The following KSR2 variants were observed in gnomAD, a reference collection of about 807,000 sequenced individuals.
KSR2 encodes the protein kinase suppressor of ras 2.
In KSR2, 25 loss-of-function variants were observed where a neutral mutation model predicts 107.8. The observed-to-expected ratio is 0.23, with a 90% CI of 0.17 to 0.32. KSR2 has a LOEUF of 0.32. KSR2 is among the 10% of genes least tolerant of loss of function. KSR2 has a pLI of 1.00. For synonymous variants in KSR2, 480 were observed against 507.0 expected, an observed-to-expected ratio of 0.95 and a Z score of 0.71; for missense variants, 887 against 1,268.9, an observed-to-expected ratio of 0.70 and a Z score of 4.57.
intron 3 of KSR2, among the ~76,000 whole-genome samples, chr12:117,854,556 C>T (rs115623943): frequency 0.011 from 1,692 of 152,288 alleles, 39 homozygotes; most frequent in African/African-American, 0.038. Context: ...CATCTGTGAG[C>T]CTCCACCTGA....
At chr12:117,569,917 C>T (rs1380844016) in intron 7 of KSR2, among the ~76,000 whole-genome samples, 1 of 152,114 alleles carries the variant, frequency 6.6e-6, no homozygotes, top group Non-Finnish European at 1.5e-5. Context: ...CTGAATAATG[C>T]ACACCATAGC....
chr12:117,811,389 C>G (rs910609711), intron 3 of KSR2, among the ~76,000 whole-genome samples: 2 of 152,138 alleles, frequency 1.3e-5, no homozygotes, highest in African/African-American at 4.8e-5. Context: ...AAGTGTGGCC[C>G]CCTGTCCAGC....
intron 4 of KSR2, among the ~76,000 whole-genome samples, chr12:117,729,362 T>C (rs759467054): frequency 6.6e-6 from 1 of 152,102 alleles, no homozygotes; most frequent in Non-Finnish European, 1.5e-5. Context: ...ATTAGTTGCA[T>C]ACGACAACAG....
chr12:117,681,841 G>A (rs535721423), intron 4 of KSR2, among the ~76,000 whole-genome samples: 22 of 152,216 alleles, frequency 1.4e-4, no homozygotes, highest in Middle Eastern at 3.4e-3. Flanking sequence ...TAATTAAACC[G>A]TTGGGGAAGA....
intron 14 of KSR2, among the ~76,000 whole-genome samples, chr12:117,488,427 C>T (rs1184372865): frequency 6.6e-6 from 1 of 152,132 alleles, no homozygotes. Flanking sequence ...GTTTGTGTCC[C>T]CAATTCCGTA....
intron 16 of KSR2, among the ~76,000 whole-genome samples, chr12:117,480,590 G>A (rs573415158): frequency 6.6e-6 from 1 of 152,078 alleles, no homozygotes; most frequent in African/African-American, 2.4e-5. Context: ...TCCCTGCCTC[G>A]GGCTTGGTGG....
In KSR2 at chr12:117,731,576, C is replaced by T. The variant is rs995896207; in HGVS notation, c.986+29435G>A. On this transcript the variant is annotated intron_variant, in intron 4 of 19. Coordinates refer to ENST00000339824, the MANE Select transcript of KSR2 (RefSeq NM_173598.6). Reference sequence around the variant, plus strand: ...TGAGAACAGGCCATGATAACGATGGCGGTTTTGTCGAATAGAAAAGGGGGA... The same window carrying T: ...TGAGAACAGGCCATGATAACGATGGTGGTTTTGTCGAATAGAAAAGGGGGA... 2.6e-5 allele frequency among the ~76,000 whole-genome samples: 4 copies of T among 152,046 alleles called. No homozygotes were observed. In the East Asian group the frequency reaches 7.7e-4, roughly 29 times the overall value.
At chr12:117,645,297 A>AT (rs903655331) in intron 5 of KSR2, among the ~76,000 whole-genome samples, 9 of 151,734 alleles carry the variant, frequency 5.9e-5, no homozygotes, top group African/African-American at 9.7e-5. Flanking sequence ...CTAGAACTGG[A>AT]TTTTTTTTTA....
In KSR2 at chr12:117,667,495, T is replaced by C; in HGVS notation, c.1150A>G (p.Thr384Ala). 1.2e-6 allele frequency: 2 copies of C among 1,611,602 alleles called. No individual in the cohort carries two copies. The highest frequency in any genetic ancestry group is 1.7e-6 in the Non-Finnish European group (2 of 1,179,254). Residue 384 changes from threonine to alanine, a missense_variant, in exon 5 of 20, where the codon ACT (threonine) becomes GCT (alanine). Coordinates refer to ENST00000339824, the MANE Select transcript of KSR2 (RefSeq NM_173598.6). Reference protein sequence around the residue: ...PFLPSTPPVHTEANFSANTLS... With the variant: ...PFLPSTPPVHAEANFSANTLS... ...TTACTTGCAGAGAAGTTGGCCTCAGTGTGAACAGGAGGGGTGGAAGGCAGG... is the reference window on the plus strand; with the variant it reads ...TTACTTGCAGAGAAGTTGGCCTCAGCGTGAACAGGAGGGGTGGAAGGCAGG...
chr12:117,909,823 A>G (rs975468230), intron 1 of KSR2, among the ~76,000 whole-genome samples: 1 of 151,742 alleles, frequency 6.6e-6, no homozygotes, highest in Non-Finnish European at 1.5e-5. Flanking sequence ...CAGGAGGATC[A>G]CTTAAACCCA....
intron 14 of KSR2, among the ~76,000 whole-genome samples, chr12:117,504,819 T>C (rs190977472): frequency 6.6e-6 from 1 of 152,366 alleles, no homozygotes; most frequent in East Asian, 1.9e-4. Context: ...GTATGTATTA[T>C]ACAGTGACAA....
intron 3 of KSR2, among the ~76,000 whole-genome samples, chr12:117,795,457 A>C (rs1401665464): frequency 1.3e-5 from 2 of 152,174 alleles, no homozygotes; most frequent in Non-Finnish European, 1.5e-5. Context: ...CAAGATTCAG[A>C]GAAATGGCTC....
chr12:117,684,287 G>A (rs529316647), intron 4 of KSR2, among the ~76,000 whole-genome samples: 1 of 152,298 alleles, frequency 6.6e-6, no homozygotes, highest in South Asian at 2.1e-4. Flanking sequence ...CTCTCCCACT[G>A]GTTTGGGAGT....
intron 3 of KSR2, among the ~76,000 whole-genome samples, chr12:117,844,973 C>T (rs1467481763): frequency 3.3e-5 from 5 of 152,100 alleles, no homozygotes; most frequent in South Asian, 2.1e-4. Context: ...GGTGAAACCC[C>T]GTCTCTACTA....
intron 4 of KSR2, among the ~76,000 whole-genome samples, chr12:117,740,701 A>G (rs1180689958): frequency 6.9e-6 from 1 of 145,292 alleles, no homozygotes; most frequent in Non-Finnish European, 1.5e-5. Flanking sequence ...ATACACCACA[A>G]TTTATCCACT....
chr12:117,892,838 A>T (rs1314967708), intron 1 of KSR2, among the ~76,000 whole-genome samples: 1 of 151,272 alleles, frequency 6.6e-6, no homozygotes, highest in Non-Finnish European at 1.5e-5. Context: ...GTTGCTTTTA[A>T]AGTGAATTTT....
rs371215270 is a variant in KSR2 at position 117,761,408 on chromosome 12, G to A, written c.589C>T (p.Gln197Ter). ...CACTTGGACGGGACCCTGGGGCTCT[G>A]GGAGAGATGGGTGCGGATCCACGGG... ...PTPWIRTHLS[Q>*]SPRVPSKCVQ... Residue 197 changes from glutamine (Q) to a stop codon, truncating the protein, a stop_gained, in exon 4 of 20, where the codon CAG (glutamine) becomes TAG (stop). Coordinates refer to ENST00000339824, the MANE Select transcript of KSR2 (RefSeq NM_173598.6). LOFTEE classifies it high-confidence loss of function. 6.2e-7 allele frequency: 1 copy of A among 1,608,898 alleles called. No individual in the cohort carries two copies. The highest frequency in any genetic ancestry group is 1.3e-5 in the African/African-American group (1 of 74,468).
chr12:117,795,201 ATTCT>A, intron 3 of KSR2, among the ~76,000 whole-genome samples: 1 of 152,272 alleles, frequency 6.6e-6, no homozygotes, highest in East Asian at 1.9e-4. Context: ...GAAGAAATTC[ATTCT>A]TTATTTCTGG....
chr12:117,818,100 CA>C (rs1891437296), intron 3 of KSR2, among the ~76,000 whole-genome samples: 1 of 132,212 alleles, frequency 7.6e-6, no homozygotes, highest in African/African-American at 3.0e-5. Context: ...GACTCTGTTT[CA>C]AAAAAATAAA....
Sources: allele counts gnomAD v4.1 joint callset (sites outside exome capture counted in the v4.1 genomes callset), GRCh38; gene constraint gnomAD v4.1.1; transcripts MANE v1.5; gene names NCBI Gene and HGNC (gene_info 2026-07-23, HGNC 2026-07-21).